The following SUSD1 variants were observed in gnomAD, a reference collection of about 807,000 sequenced individuals.
SUSD1 encodes the protein sushi domain-containing protein 1.
A neutral mutation model predicts 86.9 loss-of-function variants in SUSD1; 65 were observed. The ratio of observed to expected loss-of-function variants is 0.75; its 90% CI spans 0.61 to 0.92. The LOEUF (loss-of-function observed/expected upper bound fraction) is 0.92, where lower values mean the gene tolerates loss of function less well. Among genes scored for constraint, SUSD1 ranks in the 40% least tolerant of loss-of-function variants. The pLI is 0.00. For missense variants in SUSD1, 850 were observed against 929.7 expected (o/e 0.91, Z 1.11); for synonymous variants, 346 against 350.0 (o/e 0.99, Z 0.13).
intron 8 of SUSD1, among the ~76,000 whole-genome samples, chr9:112,105,538 G>A (rs747496269): frequency 6.6e-6 from 1 of 152,088 alleles, no homozygotes; most frequent in Non-Finnish European, 1.5e-5. Flanking sequence ...GGCCAACATG[G>A]TAAAACCCCA....
At chr9:112,047,938 T>A (rs1325310760) in intron 15 of SUSD1, among the ~76,000 whole-genome samples, 1 of 152,174 alleles carries the variant, frequency 6.6e-6, no homozygotes, top group African/African-American at 2.4e-5. Context: ...CCTCCAGTAT[T>A]CTGTTATAGC....
At chr9:112,122,305 T>C (rs1589686854) in intron 6 of SUSD1, among the ~76,000 whole-genome samples, 1 of 152,254 alleles carries the variant, frequency 6.6e-6, no homozygotes, top group East Asian at 1.9e-4. Context: ...GGACTACAGG[T>C]GTGCACCGCC....
chr9:112,145,766 TCC>T (rs1832783968), intron 3 of SUSD1, among the ~76,000 whole-genome samples: 2 of 152,146 alleles, frequency 1.3e-5, no homozygotes, highest in Non-Finnish European at 2.9e-5. Flanking sequence ...AAGGAGCCCA[TCC>T]AAGTCAAACC....
At chr9:112,069,435 A>C (rs941081596) in intron 12 of SUSD1, among the ~76,000 whole-genome samples, 1 of 152,150 alleles carries the variant, frequency 6.6e-6, no homozygotes, top group Admixed American at 6.5e-5. Context: ...ACAGCTGAGA[A>C]GACAACAGCT....
chr9:112,096,487 G>A (rs796966444), intron 10 of SUSD1, among the ~76,000 whole-genome samples: 23 of 152,200 alleles, frequency 1.5e-4, no homozygotes, highest in African/African-American at 5.5e-4. Context: ...GAAAAAACTG[G>A]GGACTTCATG....
chr9:112,043,871 G>A (rs1264661679), intron 15 of SUSD1, among the ~76,000 whole-genome samples: 1 of 152,036 alleles, frequency 6.6e-6, no homozygotes, highest in Non-Finnish European at 1.5e-5. Flanking sequence ...CATGATCTCG[G>A]CTCACTGCAA....
At position 112,108,788 on chromosome 9, in the gene SUSD1, AAAAG is replaced by A. The variant is rs1234746092; in HGVS notation, c.1171+2862_1171+2865del. Among the ~76,000 whole-genome samples, 152 of 147,560 alleles carry A rather than the reference AAAAG, an allele frequency of 1.0e-3. 2 individuals are homozygous for A. The highest frequency in any genetic ancestry group is 3.5e-3 in the African/African-American group (141 of 40,382). On this transcript the variant is annotated intron_variant, in intron 8 of 16. Coordinates refer to ENST00000374270, the MANE Select transcript of SUSD1 (RefSeq NM_022486.5). ...GCTGGGTGTCTCAAAAAAAAAAAAA[AAAAG>A]AAAAAAAAGAAAGAAAGAAAGAAAA...
At chr9:112,164,950 C>T (rs1347220607) in intron 1 of SUSD1, among the ~76,000 whole-genome samples, 2 of 152,104 alleles carry the variant, frequency 1.3e-5, no homozygotes, top group Non-Finnish European at 2.9e-5. Context: ...GTCTCAAAAA[C>T]AAAACAAAAC....
At position 112,078,631 on chromosome 9, in the gene SUSD1, A is replaced by G. The variant is rs1056525790; in HGVS notation, c.1660T>C (p.Leu554=). 6 of 1,614,120 alleles carry G rather than the reference A, an allele frequency of 3.7e-6. No individual in the cohort carries two copies. Among genetic ancestry groups the G allele is most frequent in the Non-Finnish European group, 5.1e-6 (6 of 1,180,014 alleles). Residue 554 remains leucine, a synonymous_variant, in exon 12 of 17, where the codon TTG becomes CTG. Coordinates refer to ENST00000374270, the MANE Select transcript of SUSD1 (RefSeq NM_022486.5). ...TAGTTGGTACCCGGACGTAGGTCCA[A>G]GCACACCTCGGGATCTCGGCTGCTG... ...SSSSRDPEVC[L]DLRPGTNYNV... is the part of the protein sequence containing the mutation.
intron 8 of SUSD1, chr9:112,104,918 A>G (rs765061575): frequency 6.6e-6 from 1 of 152,220 alleles, no homozygotes; most frequent in Non-Finnish European, 1.5e-5. Context: ...AAGAATGAGC[A>G]TATTTATAAA....
At chr9:112,078,901 C>T (rs1485889320) in intron 11 of SUSD1, among the ~76,000 whole-genome samples, 177 bp from the exon 12 acceptor site, 1 of 149,908 alleles carries the variant, frequency 6.7e-6, no homozygotes, top group African/African-American at 2.5e-5. Context: ...GCAGCCTCAA[C>T]CTCCCAGGCT....
At chr9:112,099,304 G>A (rs1249701074) in intron 9 of SUSD1, among the ~76,000 whole-genome samples, 1 of 152,112 alleles carries the variant, frequency 6.6e-6, no homozygotes, top group Non-Finnish European at 1.5e-5. Context: ...GCCTCCCAAA[G>A]TGCTGGGATT....
At chr9:112,140,062 T>TA (rs1299788093) in intron 5 of SUSD1, among the ~76,000 whole-genome samples, 2 of 140,314 alleles carry the variant, frequency 1.4e-5, no homozygotes, top group Non-Finnish European at 3.0e-5. Flanking sequence ...CCCATCTCTA[T>TA]AAAAAATACA....
chr9:112,141,831 C>T (rs1832586755), intron 5 of SUSD1, among the ~76,000 whole-genome samples: 2 of 136,966 alleles, frequency 1.5e-5, no homozygotes, highest in South Asian at 4.6e-4. Context: ...ATATGTTATT[C>T]CCACATGACG....
intron 12 of SUSD1, among the ~76,000 whole-genome samples, chr9:112,066,889 T>C (rs1829005160): frequency 1.3e-5 from 2 of 152,138 alleles, no homozygotes; most frequent in Non-Finnish European, 2.9e-5. Context: ...TTTATCTGTT[T>C]TTTTGAGATG....
chr9:112,095,426 G>A (rs957355920), intron 10 of SUSD1, among the ~76,000 whole-genome samples: 4 of 152,220 alleles, frequency 2.6e-5, no homozygotes, highest in Non-Finnish European at 5.9e-5. Flanking sequence ...GGAAGCGGGA[G>A]CAAGAAGTGT....
At position 112,143,758 on chromosome 9, in the gene SUSD1, A is replaced by G. The variant is rs1333383607; in HGVS notation, c.374-135T>C. 1.6e-5 allele frequency: 14 copies of G among 859,148 alleles called. No homozygotes were observed. In the South Asian group the frequency reaches 1.7e-4, roughly 10 times the overall value. The allele number at this position is 859,148 out of a possible 1,614,324, so 53.2% of individuals were successfully genotyped here. A position where few individuals can be genotyped will look rare whatever the true frequency, so the allele number is the denominator to read the frequency against. ...AAAAGATGCATTTGTTTGCAATTGT[A>G]TCATACATTTTATTTTATGCCTTAT... On this transcript the variant is annotated intron_variant, in intron 3 of 16. Transcript: ENST00000374270.
At chr9:112,100,786 C>T (rs1830598714) in intron 9 of SUSD1, among the ~76,000 whole-genome samples, 1 of 150,498 alleles carries the variant, frequency 6.6e-6, no homozygotes, top group African/African-American at 2.4e-5. Flanking sequence ...GAGCCAAGAT[C>T]ATGCCACTGT....
intron 13 of SUSD1, among the ~76,000 whole-genome samples, chr9:112,058,944 C>T (rs1828583070): frequency 6.6e-6 from 1 of 152,150 alleles, no homozygotes; most frequent in African/African-American, 2.4e-5. Context: ...CAGGTGCATG[C>T]CACCACGCCC....
Sources: allele counts gnomAD v4.1 joint callset (sites outside exome capture counted in the v4.1 genomes callset), GRCh38; gene constraint gnomAD v4.1.1; transcripts MANE v1.5; gene names NCBI Gene and HGNC (gene_info 2026-07-23, HGNC 2026-07-21).